MDM2: variants seen among roughly 807,000 people sequenced by gnomAD.
The protein encoded by MDM2 is MDM2 proto-oncogene.
In MDM2, 11 loss-of-function variants were observed where a neutral mutation model predicts 64.3. That is an observed-to-expected ratio of 0.17 (90% CI 0.11 to 0.28). MDM2 has a LOEUF of 0.28. MDM2 is among the 10% of genes least tolerant of loss of function. The pLI is 1.00. For synonymous variants in MDM2, 194 were observed against 192.9 expected (o/e 1.01, Z -0.05); for missense variants, 388 against 577.1 (o/e 0.67, Z 3.36).
In MDM2 at chr12:68,839,952, A is replaced by G. The variant is rs1185918342; in HGVS notation, c.*103A>G. On this transcript the variant is annotated 3_prime_UTR_variant, in exon 11 of 11. Coordinates refer to ENST00000258149, the MANE Select transcript of MDM2 (RefSeq NM_002392.6). ...TATATCAAAGTGAGAAAATGCCTCAATTCACATAGATTTCTTCTCTTTAGT... is the reference window on the plus strand; with the variant it reads ...TATATCAAAGTGAGAAAATGCCTCAGTTCACATAGATTTCTTCTCTTTAGT... 1 of 1,002,724 alleles carries G rather than the reference A, an allele frequency of 1.0e-6. No individual in the cohort carries two copies. The highest frequency in any genetic ancestry group is 1.4e-6 in the Non-Finnish European group (1 of 695,508). The allele number at this position is 1,002,724 out of a possible 1,614,324, so 62.1% of individuals were successfully genotyped here.
intron 8 of MDM2, among the ~76,000 whole-genome samples, chr12:68,835,115 A>AT (rs1883201907): frequency 6.6e-6 from 1 of 152,202 alleles, no homozygotes; most frequent in Non-Finnish European, 1.5e-5. Context: ...TATTCTACCA[A>AT]TTTGGACATA....
At chr12:68,808,771 T>A (rs1411072295) in intron 1 of MDM2, among the ~76,000 whole-genome samples, 2 of 150,436 alleles carry the variant, frequency 1.3e-5, no homozygotes, top group Admixed American at 1.3e-4. Flanking sequence ...AGGGTAAAGG[T>A]CACGGGGGCC....
intron 7 of MDM2, chr12:68,828,433 G>A (rs1024129789): frequency 3.6e-5 from 7 of 195,700 alleles, no homozygotes; most frequent in Non-Finnish European, 7.5e-5. Flanking sequence ...GCATTCCTAT[G>A]GTACCGTTCC....
intron 8 of MDM2, among the ~76,000 whole-genome samples, chr12:68,830,888 A>T (rs1017713528): frequency 6.6e-6 from 1 of 152,074 alleles, no homozygotes; most frequent in African/African-American, 2.4e-5. Flanking sequence ...TTTAGTAGAG[A>T]TGGGGTTTCA....
downstream of MDM2, chr12:68,846,696 G>A (rs1405485502): frequency 6.6e-6 from 1 of 152,076 alleles, no homozygotes; most frequent in Non-Finnish European, 1.5e-5. Flanking sequence ...GATTATTTTA[G>A]ACTTTTAGAA....
chr12:68,833,126 CAAA>C lies in MDM2; in HGVS notation c.685-2681_685-2679del, dbSNP rs35815088. Among the ~76,000 whole-genome samples, 212 of 61,658 alleles carry C rather than the reference CAAA, an allele frequency of 3.4e-3. 1 individual carries two copies. The highest frequency in any genetic ancestry group is 9.3e-3 in the African/African-American group (182 of 19,630). 40.5% of individuals were successfully genotyped at this position (61,658 alleles called of 152,430 possible). A position where few individuals can be genotyped will look rare whatever the true frequency, so the allele number is the denominator to read the frequency against. ...GGGTGACAGAGCGAGACTCTGTCTCCAAAAAAAAAAAAAAAAAAAAAAAATATA... is the reference window on the plus strand; with the variant it reads ...GGGTGACAGAGCGAGACTCTGTCTCCAAAAAAAAAAAAAAAAAAAAATATA... On this transcript the variant is annotated intron_variant, in intron 8 of 10. Transcript: ENST00000258149.
chr12:68,821,679 T>C (rs1483620631), intron 5 of MDM2, among the ~76,000 whole-genome samples: 19 of 152,136 alleles, frequency 1.2e-4, no homozygotes. Context: ...ACTGTGATCA[T>C]GCCATCCAGT....
chr12:68,829,577 C>CCCAT (rs1882624751), intron 8 of MDM2, among the ~76,000 whole-genome samples: 1 of 152,058 alleles, frequency 6.6e-6, no homozygotes, highest in East Asian at 1.9e-4. Flanking sequence ...ACCAGCATGG[C>CCCAT]CAACAAGATG....
chr12:68,842,397 T>C lies in MDM2; in HGVS notation c.*2548T>C. 2.0e-6 allele frequency: 1 copy of C among 491,162 alleles called. No individual in the cohort carries two copies. Among genetic ancestry groups the C allele is most frequent in the South Asian group, 1.5e-5 (1 of 64,634 alleles). The allele number at this position is 491,162 out of a possible 1,614,324, so 30.4% of individuals were successfully genotyped here. ...GGCAGAGGTTTCCTAAAAATCTCATTATCTATAACCATTTCTATATTTACA... is the reference window on the plus strand; with the variant it reads ...GGCAGAGGTTTCCTAAAAATCTCATCATCTATAACCATTTCTATATTTACA... On this transcript the variant is annotated 3_prime_UTR_variant, in exon 11 of 11. Transcript: ENST00000258149.
chr12:68,822,746 CTT>C (rs35863515), intron 5 of MDM2, among the ~76,000 whole-genome samples: 9 of 146,404 alleles, frequency 6.1e-5, no homozygotes, highest in Admixed American at 6.8e-5. Context: ...AACTTTGTCA[CTT>C]TTTTTTTTTT....
intron 8 of MDM2, among the ~76,000 whole-genome samples, chr12:68,835,320 GATTTTGAAACTGAA>G (rs1883216001): frequency 6.6e-6 from 1 of 152,208 alleles, no homozygotes; most frequent in Non-Finnish European, 1.5e-5. Flanking sequence ...GGATGAATAG[GATTTTGAAACTGAA>G]ATTATTCTAG....
At chr12:68,849,727 C>T (rs950244983), downstream of MDM2, 2 of 150,684 alleles carry the variant, frequency 1.3e-5, no homozygotes, top group Non-Finnish European at 3.0e-5. Flanking sequence ...ATCTGCCTGC[C>T]TCGGCCTCCC....
At chr12:68,836,837 T>A in intron 10 of MDM2, 88 bp downstream of exon 10, 1 of 806,180 alleles carries the variant, frequency 1.2e-6, no homozygotes, top group African/African-American at 1.7e-5. Context: ...TGAAATGAAC[T>A]GATTTTTATA....
At position 68,843,350 on chromosome 12, in the gene MDM2, T is replaced by C. The variant is rs1883972612; in HGVS notation, c.*3501T>C. On this transcript the variant is annotated 3_prime_UTR_variant, in exon 11 of 11. Transcript: ENST00000258149. ...CTATAGTTAATGTATTGAATGTTCT[T>C]GCTACAAATAAATGATATTTGAGCT... The C allele has an allele frequency of 4.3e-6, 1 of 230,942 alleles. No individual in the cohort carries two copies. Among genetic ancestry groups the C allele is most frequent in the Non-Finnish European group, 8.6e-6 (1 of 116,700 alleles). The allele number at this position is 230,942 out of a possible 1,614,324, so 14.3% of individuals were successfully genotyped here.
chr12:68,834,303 G>A (rs925791827), intron 8 of MDM2, among the ~76,000 whole-genome samples: 4 of 152,170 alleles, frequency 2.6e-5, no homozygotes, highest in Non-Finnish European at 4.4e-5. Context: ...TTAGCCGGGT[G>A]TGGTAGTGGA....
chr12:68,850,614 T>G, the MDM2 span: 1 of 152,182 alleles, frequency 6.6e-6, no homozygotes, highest in Admixed American at 6.5e-5. Context: ...TGGAGGCAAA[T>G]TCTTTGTTTA....
chr12:68,847,183 ATG>A (rs1429852956), downstream of MDM2: 2 of 60,176 alleles, frequency 3.3e-5, no homozygotes, highest in African/African-American at 2.0e-4. Flanking sequence ...TTATGTATGT[ATG>A]TGTGTGTACA....
intron 10 of MDM2, among the ~76,000 whole-genome samples, chr12:68,837,712 TAAAGA>T (rs1250772260): frequency 1.3e-5 from 2 of 152,216 alleles, no homozygotes; most frequent in African/African-American, 4.8e-5. Context: ...GATTTGCCAT[TAAAGA>T]AATTAACACT....
At chr12:68,833,490 T>C (rs1883069716) in intron 8 of MDM2, among the ~76,000 whole-genome samples, 2 of 148,844 alleles carry the variant, frequency 1.3e-5, no homozygotes, top group Non-Finnish European at 3.0e-5. Context: ...GGCATTCTTT[T>C]GCGAACATTA....
Sources: gnomAD v4.1 joint callset for allele counts (sites outside exome capture counted in the v4.1 genomes callset) on GRCh38, gnomAD v4.1.1 for gene constraint, MANE v1.5 for transcripts, NCBI Gene and HGNC (gene_info 2026-07-23, HGNC 2026-07-21) for gene names.